THSD7A: variants seen among roughly 807,000 people sequenced by gnomAD.
The protein encoded by THSD7A is thrombospondin type-1 domain-containing protein 7A.
A neutral mutation model predicts 231.3 loss-of-function variants in THSD7A; 96 were observed. The ratio of observed to expected loss-of-function variants is 0.41; its 90% CI spans 0.35 to 0.49. The LOEUF (loss-of-function observed/expected upper bound fraction) is 0.49, where lower values mean the gene tolerates loss of function less well. THSD7A is among the 20% of genes least tolerant of loss of function. The pLI is 0.05. For synonymous variants in THSD7A, 940 were observed against 743.3 expected (o/e 1.26, Z -4.30); for missense variants, 2,290 against 2,070.2 (o/e 1.11, Z -2.06).
At chr7:11,462,732 G>C (rs1214470950) in intron 9 of THSD7A, among the ~76,000 whole-genome samples, 1 of 152,084 alleles carries the variant, frequency 6.6e-6, no homozygotes, top group African/African-American at 2.4e-5. Context: ...AATGAAAGTG[G>C]TTTCTTAGAG....
intron 11 of THSD7A, among the ~76,000 whole-genome samples, chr7:11,451,727 G>A (rs180738035): frequency 7.9e-5 from 12 of 152,014 alleles, no homozygotes; most frequent in Admixed American, 4.6e-4. Flanking sequence ...AGAGGACATG[G>A]ATATCTGTGT....
chr7:11,542,924 G>A (rs1434412463), intron 5 of THSD7A, 38 bp downstream of exon 5: 1 of 1,584,240 alleles, frequency 6.3e-7, no homozygotes, highest in Admixed American at 1.8e-5. Context: ...TGATACAATT[G>A]GTGGGTATAA....
intron 6 of THSD7A, among the ~76,000 whole-genome samples, chr7:11,522,645 G>C (rs1788313186): frequency 6.6e-6 from 1 of 152,034 alleles, no homozygotes; most frequent in Non-Finnish European, 1.5e-5. Context: ...ATAAGAATCA[G>C]TTTAATGCTA....
At chr7:11,490,603 T>C (rs564420062) in intron 6 of THSD7A, among the ~76,000 whole-genome samples, 2 of 152,090 alleles carry the variant, frequency 1.3e-5, no homozygotes, top group Non-Finnish European at 2.9e-5. Flanking sequence ...GTATTTTGAA[T>C]AAAGGTGTGA....
At chr7:11,557,584 C>T (rs6460826) in intron 4 of THSD7A, among the ~76,000 whole-genome samples, 92,015 of 151,676 alleles carry the variant, frequency 0.61, 28,501 homozygotes, top group African/African-American at 0.73. Context: ...AAATCCTTTT[C>T]TTCTTTCTAA....
rs527288710 is a variant in THSD7A, at chr7:11,829,202, C to G, written c.190+2555G>C. Among the ~76,000 whole-genome samples, 24 of 152,104 alleles carry G rather than the reference C, an allele frequency of 1.6e-4. No homozygotes were observed. In the South Asian group the frequency reaches 3.9e-3, roughly 25 times the overall value. Reference sequence around the variant, plus strand: ...AAGTCAAAAGTTATACATAAATTTTCCACTGTGCATGTAGGTCAGGACCCC... The same window carrying G: ...AAGTCAAAAGTTATACATAAATTTTGCACTGTGCATGTAGGTCAGGACCCC... On this transcript the variant is annotated intron_variant, in intron 1 of 27. Coordinates refer to ENST00000423059, the MANE Select transcript of THSD7A (RefSeq NM_015204.3).
chr7:11,749,873 T>C (rs1168668112), intron 1 of THSD7A, among the ~76,000 whole-genome samples: 1 of 152,052 alleles, frequency 6.6e-6, no homozygotes, highest in Non-Finnish European at 1.5e-5. Context: ...TGTTTACTTG[T>C]TCTTGAAATT....
chr7:11,794,274 C>T (rs1784052949), intron 1 of THSD7A, among the ~76,000 whole-genome samples: 3 of 151,872 alleles, frequency 2.0e-5, no homozygotes, highest in Admixed American at 6.6e-5. Flanking sequence ...TAATTTTACT[C>T]AGAACCTGAA....
intron 24 of THSD7A, among the ~76,000 whole-genome samples, chr7:11,380,247 C>T (rs763862702): frequency 1.1e-4 from 16 of 152,058 alleles, no homozygotes; most frequent in African/African-American, 2.2e-4. Context: ...AATGTATCTA[C>T]GAAATCATTT....
At position 11,737,736 on chromosome 7, in the gene THSD7A, C is replaced by G. The variant is rs554895670; in HGVS notation, c.190+94021G>C. 1.1e-3 allele frequency among the ~76,000 whole-genome samples: 165 copies of G among 152,034 alleles called. 2 individuals are homozygous for G. Among genetic ancestry groups the G allele is most frequent in the African/African-American group, 3.8e-3 (156 of 41,508 alleles). ...ATCATTTTCTATGTATAAATTAAAACAAGTTTAAAAATGAAAGATATTTCA... is the reference window on the plus strand; with the variant it reads ...ATCATTTTCTATGTATAAATTAAAAGAAGTTTAAAAATGAAAGATATTTCA... On this transcript the variant is annotated intron_variant, in intron 1 of 27. Transcript: ENST00000423059.
chr7:11,488,851 A>G (rs551906491), intron 6 of THSD7A, among the ~76,000 whole-genome samples: 3 of 152,166 alleles, frequency 2.0e-5, no homozygotes, highest in African/African-American at 4.8e-5. Flanking sequence ...ATGAACTGAC[A>G]TGCTGCTTTT....
chr7:11,793,315 T>A (rs1784016406), intron 1 of THSD7A, among the ~76,000 whole-genome samples: 1 of 151,884 alleles, frequency 6.6e-6, no homozygotes, highest in African/African-American at 2.4e-5. Flanking sequence ...TGCAAATAAT[T>A]CTTCTAGTAG....
intron 1 of THSD7A, among the ~76,000 whole-genome samples, chr7:11,815,067 G>C (rs922478829): frequency 7.0e-6 from 1 of 142,604 alleles, no homozygotes; most frequent in Non-Finnish European, 1.5e-5. Context: ...CTTTCATGTA[G>C]CCATTCCCTA....
intron 4 of THSD7A, among the ~76,000 whole-genome samples, chr7:11,562,220 A>C (rs17164781): frequency 0.062 from 9,507 of 152,234 alleles, 1,030 homozygotes; most frequent in African/African-American, 0.21. Context: ...TTTTTGTTCT[A>C]AGGCTCTCAA....
intron 1 of THSD7A, among the ~76,000 whole-genome samples, chr7:11,734,124 C>T (rs1375570483): frequency 6.6e-6 from 1 of 151,888 alleles, no homozygotes; most frequent in Non-Finnish European, 1.5e-5. Context: ...CCCCCAAATC[C>T]AAGGAAATTC....
chr7:11,729,392 A>G (rs1222791461), intron 1 of THSD7A, among the ~76,000 whole-genome samples: 1 of 151,774 alleles, frequency 6.6e-6, no homozygotes, highest in Non-Finnish European at 1.5e-5. Context: ...TTACCGATAC[A>G]CAGCACCGCA....
rs112404111 is a variant in THSD7A at position 11,538,469 on chromosome 7, G to A, written c.1822+2950C>T. On this transcript the variant is annotated intron_variant, in intron 6 of 27. Coordinates refer to ENST00000423059, the MANE Select transcript of THSD7A (RefSeq NM_015204.3). ...GCCTGGTTTGTTCAGCCTCTAACAA[G>A]CCAATTTAGGAAACAAAATACACTT... Among the ~76,000 whole-genome samples, 1,389 of 152,146 alleles carry A rather than the reference G, an allele frequency of 9.1e-3. 21 individuals are homozygous for A. Among genetic ancestry groups the A allele is most frequent in the African/African-American group, 0.032 (1,326 of 41,488 alleles).
At chr7:11,551,165 C>A (rs572876924) in intron 4 of THSD7A, among the ~76,000 whole-genome samples, 8 of 152,216 alleles carry the variant, frequency 5.3e-5, no homozygotes, top group African/African-American at 1.9e-4. Context: ...AACTCTACCC[C>A]TTCCTTTCAC....
intron 2 of THSD7A, among the ~76,000 whole-genome samples, chr7:11,608,846 C>T (rs1780824274): frequency 6.6e-6 from 1 of 152,084 alleles, no homozygotes; most frequent in Non-Finnish European, 1.5e-5. Flanking sequence ...ACAGAATTCG[C>T]CATCTTCCCC....
Sources: gnomAD v4.1 joint callset for allele counts (sites outside exome capture counted in the v4.1 genomes callset) on GRCh38, gnomAD v4.1.1 for gene constraint, MANE v1.5 for transcripts, NCBI Gene and HGNC (gene_info 2026-07-23, HGNC 2026-07-21) for gene names.